XYLT1: variants seen among roughly 807,000 people sequenced by gnomAD.
XYLT1 encodes beta-D-xylosyltransferase 1.
Under a neutral mutation model 91.3 loss-of-function variants are expected in XYLT1, and 36 were observed. The observed-to-expected ratio is 0.39, with a 90% confidence interval of 0.30 to 0.52. The LOEUF is 0.52. XYLT1 is among the 20% of genes least tolerant of loss of function. XYLT1 has a pLI of 0.68. For missense variants in XYLT1, 1,242 were observed against 1,284.5 expected, an observed-to-expected ratio of 0.97 and a Z score of 0.51; for synonymous variants, 588 against 532.0, an observed-to-expected ratio of 1.11 and a Z score of -1.45.
chr16:17,204,555 G>A (rs1056871939), intron 3 of XYLT1, among the ~76,000 whole-genome samples: 4 of 152,044 alleles, frequency 2.6e-5, no homozygotes, highest in Non-Finnish European at 5.9e-5. Flanking sequence ...GATGGGGATG[G>A]GGGGCAGAGG....
At chr16:17,235,915 G>A (rs982026958) in intron 3 of XYLT1, among the ~76,000 whole-genome samples, 3 of 152,120 alleles carry the variant, frequency 2.0e-5, no homozygotes, top group African/African-American at 7.2e-5. Context: ...AGCTCAGGCT[G>A]GGGTGCAGTG....
At chr16:17,357,186 A>C (rs949260225) in intron 2 of XYLT1, among the ~76,000 whole-genome samples, 77 of 139,384 alleles carry the variant, frequency 5.5e-4, no homozygotes, top group Middle Eastern at 3.9e-3. Context: ...AAAAAAAAAA[A>C]AAAAAAAAAA....
chr16:17,143,322 G>GT (rs1391967334), intron 6 of XYLT1, among the ~76,000 whole-genome samples: 22 of 151,854 alleles, frequency 1.4e-4, no homozygotes, highest in Non-Finnish European at 2.6e-4. Context: ...CCATTTTCAC[G>GT]TATTACGTGC....
chr16:17,146,093 A>G (rs1436273086), intron 6 of XYLT1, among the ~76,000 whole-genome samples: 1 of 151,798 alleles, frequency 6.6e-6, no homozygotes, highest in Non-Finnish European at 1.5e-5. Context: ...TGAATTCCAG[A>G]AAGAATTCCC....
chr16:17,449,323 C>T (rs1250679539), intron 1 of XYLT1, among the ~76,000 whole-genome samples: 4 of 152,242 alleles, frequency 2.6e-5, no homozygotes, highest in African/African-American at 7.2e-5. Context: ...CTCAGCAATT[C>T]CACGGGCATG....
At chr16:17,273,943 G>A (rs12930602) in intron 2 of XYLT1, among the ~76,000 whole-genome samples, 6 of 151,378 alleles carry the variant, frequency 4.0e-5, no homozygotes, top group African/African-American at 7.3e-5. Context: ...ACAGGGTCTC[G>A]ATCTGTCGTC....
At chr16:17,169,614 C>T (rs887745856) in intron 5 of XYLT1, among the ~76,000 whole-genome samples, 15 of 149,334 alleles carry the variant, frequency 1.0e-4, no homozygotes, top group Middle Eastern at 3.4e-3. Context: ...GAACCCAGGA[C>T]GCCACCGGAA....
intron 1 of XYLT1, among the ~76,000 whole-genome samples, chr16:17,360,573 G>T (rs572861533): frequency 2.0e-5 from 3 of 152,142 alleles, no homozygotes; most frequent in Non-Finnish European, 4.4e-5. Flanking sequence ...TTAATACTTG[G>T]GTTTCACTTG....
intron 3 of XYLT1, among the ~76,000 whole-genome samples, chr16:17,228,705 G>C (rs999315799): frequency 6.6e-6 from 1 of 152,132 alleles, no homozygotes; most frequent in Non-Finnish European, 1.5e-5. Flanking sequence ...TTGCTCCTCC[G>C]GACCTGTGTG....
At chr16:17,187,393 C>CAAAAAAAAAAAAAAAAAA (rs71137979) in intron 5 of XYLT1, among the ~76,000 whole-genome samples, 1 of 55,306 alleles carries the variant, frequency 1.8e-5, no homozygotes, top group Admixed American at 2.7e-4. Context: ...GACTCAGTTT[C>CAAAAAAAAAAAAAAAAAA]AAAAAAAAAA....
chr16:17,355,356 C>T (rs1487778165), intron 2 of XYLT1: 2 of 152,262 alleles, frequency 1.3e-5, no homozygotes, highest in East Asian at 1.9e-4. Context: ...GATTTGACTT[C>T]CAGAGTTCCG....
At position 17,117,986 on chromosome 16, in the gene XYLT1, C is replaced by G. The variant is rs2029906214; in HGVS notation, c.2224-7G>C. 1 of 1,602,782 alleles carries G rather than the reference C, an allele frequency of 6.2e-7. No individual in the cohort carries two copies. Among genetic ancestry groups the G allele is most frequent in the African/African-American group, 1.3e-5 (1 of 74,690 alleles). On this transcript the variant is annotated splice_region_variant and splice_polypyrimidine_tract_variant and intron_variant, in intron 10 of 11. Transcript: ENST00000261381. ...CATCCCAGTCAGTGCCGACCTGAAA[C>G]AGGGGAGTGAATTCTGAAGTCACTG...
chr16:17,435,396 C>T (rs1433224438), intron 1 of XYLT1, among the ~76,000 whole-genome samples: 1 of 152,122 alleles, frequency 6.6e-6, no homozygotes, highest in Non-Finnish European at 1.5e-5. Context: ...GTCCCCTCAC[C>T]CCCTACAAGA....
At chr16:17,303,290 A>G (rs930926755) in intron 2 of XYLT1, among the ~76,000 whole-genome samples, 3 of 152,198 alleles carry the variant, frequency 2.0e-5, no homozygotes, top group East Asian at 1.9e-4. Context: ...ATTGGTACAC[A>G]ACCACTCCCG....
rs189406360 is a variant in XYLT1 at position 17,334,275 on chromosome 16, G to A, written c.402+23737C>T. 7.2e-5 allele frequency among the ~76,000 whole-genome samples: 11 copies of A among 152,280 alleles called. No individual in the cohort carries two copies. The South Asian group carries it at 1.5e-3, about 20-fold the overall frequency. ...ATTGGTCACTAGTGAGTAACTGCGT[G>A]CTAAGTGTTTCCTCCCAACAGTGCC... On this transcript the variant is annotated intron_variant, in intron 2 of 11. Transcript: ENST00000261381.
chr16:17,435,654 C>G (rs1238647756), intron 1 of XYLT1, among the ~76,000 whole-genome samples: 1 of 152,014 alleles, frequency 6.6e-6, no homozygotes, highest in Non-Finnish European at 1.5e-5. Flanking sequence ...TTGATTCAAC[C>G]GACATCTACA....
chr16:17,218,543 T>A (rs2032904048), intron 3 of XYLT1, among the ~76,000 whole-genome samples: 1 of 152,160 alleles, frequency 6.6e-6, no homozygotes, highest in South Asian at 2.1e-4. Context: ...TTGTGAGCTA[T>A]CGCTTCCAAA....
At chr16:17,406,810 T>C (rs1214302156) in intron 1 of XYLT1, among the ~76,000 whole-genome samples, 1 of 152,046 alleles carries the variant, frequency 6.6e-6, no homozygotes, top group Non-Finnish European at 1.5e-5. Context: ...GCCATTTCTT[T>C]TCCTTGTTCA....
At chr16:17,306,243 G>C (rs2034468440) in intron 2 of XYLT1, among the ~76,000 whole-genome samples, 1 of 152,168 alleles carries the variant, frequency 6.6e-6, no homozygotes, top group Non-Finnish European at 1.5e-5. Context: ...AAAAGAACAA[G>C]AGAATAGGAG....
Sources: allele counts gnomAD v4.1 joint callset (sites outside exome capture counted in the v4.1 genomes callset), GRCh38; gene constraint gnomAD v4.1.1; transcripts MANE v1.5; gene names NCBI Gene and HGNC (gene_info 2026-07-23, HGNC 2026-07-21).